Variants in PLGRKT observed in about 807,000 individuals in gnomAD.
PLGRKT encodes the protein plasminogen receptor with a C-terminal lysine, also known as plasminogen receptor (KT).
In PLGRKT, 22 loss-of-function variants were observed where a neutral mutation model predicts 18.5. The ratio of observed to expected loss-of-function variants is 1.19; its 90% CI spans 0.85 to 1.70. PLGRKT has a LOEUF of 1.70. Among genes scored for constraint, PLGRKT ranks in the 40% most tolerant of loss-of-function variants. The pLI is 0.00. For missense variants in PLGRKT, 235 were observed against 174.4 expected, an observed-to-expected ratio of 1.35 and a Z score of -1.96; for synonymous variants, 72 against 52.8, an observed-to-expected ratio of 1.36 and a Z score of -1.58.
chr9:5,377,211 A>G (rs967003674), intron 3 of PLGRKT, among the ~76,000 whole-genome samples: 16 of 152,110 alleles, frequency 1.1e-4, no homozygotes, highest in Admixed American at 9.2e-4. Context: ...TGCAAAAAGC[A>G]TAATATAAAA....
rs1817181238 is a variant in PLGRKT, at chr9:5,358,253, AG to A, written c.429del (p.Phe144SerfsTer2). The A allele has an allele frequency of 6.2e-7, 1 of 1,609,192 alleles. No individual in the cohort carries two copies. The highest frequency in any genetic ancestry group is 1.1e-5 in the South Asian group (1 of 90,872). ...TAAGCATGATTTCATTTGTCTATGAAGAATCTACTCTGTTCCTTTCTGGCTT... is the reference window on the plus strand; with the variant it reads ...TAAGCATGATTTCATTTGTCTATGAAAATCTACTCTGTTCCTTTCTGGCTT... ...IEKARKEQSR[F>X]FIDK On this transcript the variant is annotated frameshift_variant, in exon 6 of 6. Coordinates refer to ENST00000223864, the MANE Select transcript of PLGRKT (RefSeq NM_018465.4). LOFTEE classifies it high-confidence loss of function.
intron 3 of PLGRKT, among the ~76,000 whole-genome samples, chr9:5,371,560 G>C (rs1213419892): frequency 6.6e-6 from 1 of 152,168 alleles, no homozygotes; most frequent in Non-Finnish European, 1.5e-5. Flanking sequence ...AGGATTCTGA[G>C]ACCTTCCCAG....
intron 3 of PLGRKT, among the ~76,000 whole-genome samples, chr9:5,399,719 T>A (rs1818119666): frequency 6.6e-6 from 1 of 151,842 alleles, no homozygotes; most frequent in South Asian, 2.1e-4. Flanking sequence ...CCAGGCACGG[T>A]GGCTCATGCC....
intron 3 of PLGRKT, among the ~76,000 whole-genome samples, chr9:5,416,915 G>A (rs1486191580): frequency 6.6e-6 from 1 of 152,132 alleles, no homozygotes; most frequent in Non-Finnish European, 1.5e-5. Context: ...CAGAATATAG[G>A]AAATATTAAA....
chr9:5,375,168 TAAGAA>T (rs1233288564), intron 3 of PLGRKT, among the ~76,000 whole-genome samples: 5 of 152,336 alleles, frequency 3.3e-5, no homozygotes, highest in Non-Finnish European at 5.9e-5. Flanking sequence ...TTTTCCTTAA[TAAGAA>T]AAGATGTACA....
chr9:5,392,282 T>C (rs1052756237), intron 3 of PLGRKT: 10 of 151,932 alleles, frequency 6.6e-5, no homozygotes, highest in Admixed American at 1.3e-4. Flanking sequence ...TTCTGATTAA[T>C]TGCTTAGGGT....
chr9:5,368,238 T>C (rs1817438330), intron 3 of PLGRKT, among the ~76,000 whole-genome samples: 1 of 152,068 alleles, frequency 6.6e-6, no homozygotes. Flanking sequence ...TGGGTATATA[T>C]CCAAAAGAAA....
intron 3 of PLGRKT, among the ~76,000 whole-genome samples, chr9:5,398,547 T>TA (rs777903563): frequency 6.6e-6 from 1 of 151,844 alleles, no homozygotes; most frequent in African/African-American, 2.4e-5. Flanking sequence ...ATTTGATTTC[T>TA]AAGTGAGTAA....
At chr9:5,425,319 A>G (rs1454320909) in intron 3 of PLGRKT, among the ~76,000 whole-genome samples, 2 of 152,212 alleles carry the variant, frequency 1.3e-5, no homozygotes, top group Non-Finnish European at 2.9e-5. Flanking sequence ...CTAGAAAGAA[A>G]CTGAAGTTTG....
intron 3 of PLGRKT, among the ~76,000 whole-genome samples, chr9:5,367,226 A>C (rs1817413314): frequency 6.6e-6 from 1 of 152,020 alleles, no homozygotes. Context: ...CATTCTTCAC[A>C]GAACTAGAAA....
At chr9:5,366,394 TATA>T (rs1266721049) in intron 3 of PLGRKT, among the ~76,000 whole-genome samples, 1 of 152,192 alleles carries the variant, frequency 6.6e-6, no homozygotes, top group Non-Finnish European at 1.5e-5. Flanking sequence ...GTAGACCTTT[TATA>T]ATAATAATTT....
intron 3 of PLGRKT, among the ~76,000 whole-genome samples, chr9:5,406,446 C>A (rs1414583526): frequency 6.6e-6 from 1 of 152,160 alleles, no homozygotes; most frequent in South Asian, 2.1e-4. Context: ...GGAACAAGAT[C>A]ATGTCCTTTG....
At chr9:5,424,671 T>TATATATATATATATAC (rs1563790026) in intron 3 of PLGRKT, among the ~76,000 whole-genome samples, 3 of 69,302 alleles carry the variant, frequency 4.3e-5, no homozygotes, top group African/African-American at 1.8e-4. Context: ...ATATATTTTA[T>TATATATATATATATAC]ATATATATAT....
chr9:5,378,605 A>G (rs72703670), intron 3 of PLGRKT, among the ~76,000 whole-genome samples: 2,236 of 152,336 alleles, frequency 0.015, 20 homozygotes, highest in Middle Eastern at 0.037. Context: ...AGCTTAAGGA[A>G]TATGTTCAGT....
chr9:5,432,920 C>T (rs1818859684), intron 2 of PLGRKT, among the ~76,000 whole-genome samples: 2 of 152,006 alleles, frequency 1.3e-5, no homozygotes, highest in Non-Finnish European at 2.9e-5. Context: ...CCCGCCACTC[C>T]GTCTAGGAAG....
At chr9:5,424,689 T>TATATATATATATATATATATATACAC (rs1563790070) in intron 3 of PLGRKT, among the ~76,000 whole-genome samples, 41 of 70,816 alleles carry the variant, frequency 5.8e-4, no homozygotes, top group East Asian at 4.7e-3. Context: ...TATATATATA[T>TATATATATATATATATATATATACAC]ATACACACAG....
chr9:5,414,986 G>A (rs1818431585), intron 3 of PLGRKT, among the ~76,000 whole-genome samples: 1 of 152,184 alleles, frequency 6.6e-6, no homozygotes. Context: ...ATACATACAT[G>A]TCTTTGCTAA....
At chr9:5,371,091 G>A (rs532261975) in intron 3 of PLGRKT, among the ~76,000 whole-genome samples, 9 of 152,166 alleles carry the variant, frequency 5.9e-5, no homozygotes, top group Non-Finnish European at 1.0e-4. Flanking sequence ...CCATTCTTAC[G>A]CGTACATGTA....
chr9:5,363,118 C>A (rs549996387), intron 3 of PLGRKT, among the ~76,000 whole-genome samples: 1 of 151,818 alleles, frequency 6.6e-6, no homozygotes, highest in Admixed American at 6.6e-5. Context: ...CTAGAGCCAG[C>A]GGACCCCATA....
Sources: allele counts gnomAD v4.1 joint callset (sites outside exome capture counted in the v4.1 genomes callset), GRCh38; gene constraint gnomAD v4.1.1; transcripts MANE v1.5; gene names NCBI Gene and HGNC (gene_info 2026-07-23, HGNC 2026-07-21).